NCOR1: variants seen among roughly 807,000 people sequenced by gnomAD.
The protein encoded by NCOR1 is nuclear receptor corepressor 1, also known as protein phosphatase 1, regulatory subunit 109.
NCOR1 carries 63 observed loss-of-function variants against 288.1 expected under a neutral mutation model. The ratio of observed to expected loss-of-function variants is 0.22; its 90% confidence interval spans 0.18 to 0.27. The LOEUF (loss-of-function observed/expected upper bound fraction) is 0.27. NCOR1 is among the 10% of genes least tolerant of loss of function. The probability of loss-of-function intolerance (pLI) is 1.00; values close to 1 mark genes in which losing one functional copy is unlikely to be tolerated. For missense variants in NCOR1, 2,397 were observed against 3,019.2 expected (o/e 0.79, Z 4.83); for synonymous variants, 1,007 against 1,065.9 (o/e 0.94, Z 1.08).
In NCOR1 at chr17:16,065,480, C is replaced by A; in HGVS notation, c.4951+5G>T. 6.2e-7 allele frequency: 1 copy of A among 1,614,060 alleles called. No homozygotes were observed. Among genetic ancestry groups the A allele is most frequent in the Non-Finnish European group, 8.5e-7 (1 of 1,179,942 alleles). ...CTACGAAATCTGAAATGCAAAGACACACACCTCTCGTTGCTGGGTATGGGA... is the reference window on the plus strand; with the variant it reads ...CTACGAAATCTGAAATGCAAAGACAAACACCTCTCGTTGCTGGGTATGGGA... On this transcript the variant is annotated splice_donor_5th_base_variant and intron_variant, in intron 33 of 45. Transcript: ENST00000268712.
At chr17:16,158,186 C>G (rs1044219837) in intron 6 of NCOR1, among the ~76,000 whole-genome samples, 1 of 152,124 alleles carries the variant, frequency 6.6e-6, no homozygotes, top group African/African-American at 2.4e-5. Flanking sequence ...GTTGGCCAGG[C>G]TGGTCTCGAA....
chr17:16,031,265 A>G lies in NCOR1; in HGVS notation c.*1031T>C, dbSNP rs1198744584. 1 of 196,202 alleles carries G rather than the reference A, an allele frequency of 5.1e-6. No individual in the cohort carries two copies. The highest frequency in any genetic ancestry group is 7.9e-5 in the East Asian group (1 of 12,588). The allele number at this position is 196,202 out of a possible 1,614,324, so 12.2% of individuals were successfully genotyped here. ...CCATGAGTTTTTCAGGATGCAGCATAAAGCTTATCTAAATACTACACAGAT... is the reference window on the plus strand; with the variant it reads ...CCATGAGTTTTTCAGGATGCAGCATGAAGCTTATCTAAATACTACACAGAT... On this transcript the variant is annotated 3_prime_UTR_variant, in exon 46 of 46. Coordinates refer to ENST00000268712, the MANE Select transcript of NCOR1 (RefSeq NM_006311.4).
At chr17:16,107,060 CT>C (rs1230236728) in intron 19 of NCOR1, among the ~76,000 whole-genome samples, 3 of 150,332 alleles carry the variant, frequency 2.0e-5, no homozygotes, top group African/African-American at 7.3e-5. Flanking sequence ...GCCCGGCTAA[CT>C]TTTTTTTGTA....
rs759093398 is a variant in NCOR1, at chr17:16,080,043, T to C, written c.3422A>G (p.Glu1141Gly). ...TGGAGTTCCCCGAGTTATACTTCCT[T>C]CTTGTATGGCTCCTGCGGTACCTGA... ...VVRGTAGAIQEGSITRGTPTS... is the reference protein window; with the variant it reads ...VVRGTAGAIQGGSITRGTPTS... The change falls in exon 26 of 46, where the codon GAA becomes GGA. Residue 1141 changes from glutamate to glycine, a missense_variant. Around this residue, in one of 11 missense-constraint regions of NCOR1, gnomAD observed 1,872 missense variants for 2,187.8 expected, o/e 0.86. Coordinates refer to ENST00000268712, the MANE Select transcript of NCOR1 (RefSeq NM_006311.4). 3.7e-6 allele frequency: 6 copies of C among 1,614,084 alleles called. No homozygotes were observed. The highest frequency in any genetic ancestry group is 5.1e-6 in the Non-Finnish European group (6 of 1,179,978).
Position 16,137,904 on chromosome 17 carries a change from G to C in NCOR1, c.1407+254C>G, listed in dbSNP as rs2076650521. The C allele has an allele frequency of 1.3e-5, 5 of 385,318 alleles. No individual in the cohort carries two copies. In the East Asian group the frequency reaches 2.2e-4, roughly 17 times the overall value. 23.9% of individuals were successfully genotyped at this position (385,318 alleles called of 1,614,324 possible). A position where few individuals can be genotyped will look rare whatever the true frequency, so the allele number is the denominator to read the frequency against. ...GATATTTTAATTAGAAATTTAATGA[G>C]GCTCCAAAAGCATTGTAATCTATGT... On this transcript the variant is annotated intron_variant, in intron 13 of 45. Transcript: ENST00000268712.
At chr17:16,126,891 A>G (rs1263475802) in intron 14 of NCOR1, among the ~76,000 whole-genome samples, 3 of 152,194 alleles carry the variant, frequency 2.0e-5, no homozygotes, top group South Asian at 2.1e-4. Flanking sequence ...AGCCCCCACC[A>G]TATCAGGAGT....
chr17:16,210,285 G>T (rs1450543203), intron 1 of NCOR1, among the ~76,000 whole-genome samples: 1 of 151,988 alleles, frequency 6.6e-6, no homozygotes, highest in African/African-American at 2.4e-5. Flanking sequence ...TTGGGAGGCT[G>T]ACGCAGGAGA....
intron 1 of NCOR1, among the ~76,000 whole-genome samples, chr17:16,202,149 G>A (rs1327093286): frequency 4.0e-5 from 6 of 151,608 alleles, no homozygotes; most frequent in African/African-American, 1.2e-4. Flanking sequence ...GCTTGAACCC[G>A]GGAGGCAGAG....
chr17:16,145,948 C>T (rs952741195), intron 10 of NCOR1, among the ~76,000 whole-genome samples: 1 of 152,178 alleles, frequency 6.6e-6, no homozygotes, highest in African/African-American at 2.4e-5. Flanking sequence ...TTGTTCTGTA[C>T]TAAGAAAAAT....
chr17:16,132,216 G>A (rs568091999), intron 14 of NCOR1, among the ~76,000 whole-genome samples: 59 of 152,292 alleles, frequency 3.9e-4, no homozygotes, highest in Non-Finnish European at 7.5e-4. Flanking sequence ...AATTCCTGTG[G>A]AAAGTAATCA....
intron 22 of NCOR1, chr17:16,087,301 G>A (rs1198537060): frequency 7.7e-7 from 1 of 1,304,084 alleles, no homozygotes; most frequent in African/African-American, 1.5e-5. Context: ...TCCTGTTCTA[G>A]AGCACGTTTG....
intron 12 of NCOR1, among the ~76,000 whole-genome samples, chr17:16,138,740 T>C (rs1377884082): frequency 2.6e-5 from 4 of 152,186 alleles, no homozygotes; most frequent in Non-Finnish European, 5.9e-5. Flanking sequence ...AATCTGTACT[T>C]TATAAAAGCT....
chr17:16,175,165 G>A (rs1038323139), intron 3 of NCOR1, among the ~76,000 whole-genome samples: 11 of 152,044 alleles, frequency 7.2e-5, no homozygotes, highest in Admixed American at 1.3e-4. Flanking sequence ...TCAGGAGTTC[G>A]AGACCAGCCT....
At chr17:16,086,198 T>C in intron 23 of NCOR1, 84 bp downstream of exon 23, 12 of 1,367,852 alleles carry the variant, frequency 8.8e-6, no homozygotes, top group Non-Finnish European at 1.1e-5. Context: ...ATTACAACTC[T>C]GACAAATCAG....
intron 2 of NCOR1, among the ~76,000 whole-genome samples, chr17:16,193,030 G>A (rs1343572838): frequency 1.3e-5 from 2 of 152,078 alleles, no homozygotes; most frequent in African/African-American, 2.4e-5. Flanking sequence ...GTAGGAAGTC[G>A]GGGAGGAGGA....
intron 19 of NCOR1, chr17:16,108,244 CT>C (rs759608354): frequency 9.2e-6 from 3 of 324,562 alleles, no homozygotes; most frequent in Non-Finnish European, 1.9e-5. Context: ...AATTAGGTAT[CT>C]TTTTTCTTAC....
At position 16,071,334 on chromosome 17, in the gene NCOR1, A is replaced by G. The variant is rs2061740501; in HGVS notation, c.4152+75T>C. 9.1e-6 allele frequency: 14 copies of G among 1,539,154 alleles called. No individual in the cohort carries two copies. In the South Asian group the frequency reaches 1.7e-4, roughly 18 times the overall value. On this transcript the variant is annotated intron_variant, in intron 30 of 45. Coordinates refer to ENST00000268712, the MANE Select transcript of NCOR1 (RefSeq NM_006311.4). Reference sequence around the variant, plus strand: ...AGGTCTGACATCATAAGAACCACTTATAATTATTAAGTCACACTTTTTTAA... The same window carrying G: ...AGGTCTGACATCATAAGAACCACTTGTAATTATTAAGTCACACTTTTTTAA...
chr17:16,105,341 TG>T (rs2068407115), intron 19 of NCOR1, among the ~76,000 whole-genome samples: 1 of 152,084 alleles, frequency 6.6e-6, no homozygotes, highest in Admixed American at 6.6e-5. Context: ...CGCTTGAGCC[TG>T]GGAGTTTGAG....
intron 40 of NCOR1, among the ~76,000 whole-genome samples, chr17:16,056,648 G>T (rs539547096): frequency 6.6e-6 from 1 of 151,986 alleles, no homozygotes; most frequent in Admixed American, 6.6e-5. Context: ...TTCCCTTTGT[G>T]CTTGTTAACT....
Sources: gnomAD v4.1 joint callset for allele counts (sites outside exome capture counted in the v4.1 genomes callset) on GRCh38, gnomAD v4.1.1 for gene constraint, gnomAD v4.1.1 regional missense constraint, MANE v1.5 for transcripts, NCBI Gene and HGNC (gene_info 2026-07-23, HGNC 2026-07-21) for gene names.